The following PHF2 variants were observed in gnomAD, a reference collection of about 807,000 sequenced individuals.
The protein encoded by PHF2 is lysine-specific demethylase PHF2.
In PHF2, 27 loss-of-function variants were observed where a neutral mutation model predicts 120.5. The ratio of observed to expected loss-of-function variants is 0.22; its 90% CI spans 0.17 to 0.31. The LOEUF (loss-of-function observed/expected upper bound fraction) is 0.31. Ranked by LOEUF, PHF2 falls within the 10% of genes least tolerant of loss-of-function variation. The probability of loss-of-function intolerance (pLI) is 1.00; values close to 1 mark genes in which losing one functional copy is unlikely to be tolerated. For synonymous variants in PHF2, 568 were observed against 592.5 expected (o/e 0.96, Z 0.60); for missense variants, 1,024 against 1,434.8 (o/e 0.71, Z 4.63).
At chr9:93,603,269 C>T (rs1487919936) in intron 1 of PHF2, among the ~76,000 whole-genome samples, 3 of 152,166 alleles carry the variant, frequency 2.0e-5, no homozygotes, top group Admixed American at 6.5e-5. Context: ...CAGAGGCACT[C>T]GGATGGCCCA....
intron 7 of PHF2, 119 bp from the exon 8 acceptor site, chr9:93,655,815 G>A (rs1826448812): frequency 2.9e-5 from 20 of 689,662 alleles, no homozygotes; most frequent in Non-Finnish European, 5.0e-5. Flanking sequence ...GCAGGAGCTG[G>A]AGCCTGGGCT....
intron 14 of PHF2, among the ~76,000 whole-genome samples, chr9:93,664,901 C>T (rs373337342): frequency 6.6e-6 from 1 of 152,252 alleles, no homozygotes; most frequent in African/African-American, 2.4e-5. Flanking sequence ...CATTGGAAGC[C>T]GCCTCACCTA....
intron 1 of PHF2, among the ~76,000 whole-genome samples, chr9:93,592,299 C>T (rs12348843): frequency 0.022 from 3,325 of 152,174 alleles, 119 homozygotes; most frequent in African/African-American, 0.075. Context: ...GTGGGAGCAG[C>T]GGGGTGATCC....
chr9:93,582,115 A>C (rs570298826), intron 1 of PHF2, among the ~76,000 whole-genome samples: 25 of 152,176 alleles, frequency 1.6e-4, no homozygotes, highest in African/African-American at 5.8e-4. Context: ...TCACCCTGTC[A>C]CCTTCATTCC....
At chr9:93,591,372 C>T (rs1401979850) in intron 1 of PHF2, among the ~76,000 whole-genome samples, 2 of 152,190 alleles carry the variant, frequency 1.3e-5, no homozygotes, top group African/African-American at 4.8e-5. Flanking sequence ...TCTAGTAGAA[C>T]AGTTTGGGAT....
At chr9:93,652,107 T>C (rs755255135) in intron 5 of PHF2, among the ~76,000 whole-genome samples, 12 of 152,090 alleles carry the variant, frequency 7.9e-5, no homozygotes, top group Non-Finnish European at 1.8e-4. Context: ...GCTTGTGATT[T>C]GTGACAGTCT....
chr9:93,605,362 C>T (rs559086465), intron 1 of PHF2, among the ~76,000 whole-genome samples: 17 of 152,300 alleles, frequency 1.1e-4, no homozygotes, highest in African/African-American at 2.9e-4. Flanking sequence ...GGATTACAGG[C>T]GTGAGCCACT....
intron 1 of PHF2, among the ~76,000 whole-genome samples, chr9:93,586,832 C>T (rs1236095616): frequency 6.6e-6 from 1 of 152,218 alleles, no homozygotes; most frequent in Admixed American, 6.5e-5. Context: ...GCCCCTGAAG[C>T]TAGTGCTGGG....
chr9:93,661,387 C>A (rs1826561767), intron 12 of PHF2, among the ~76,000 whole-genome samples: 1 of 151,986 alleles, frequency 6.6e-6, no homozygotes, highest in Admixed American at 6.6e-5. Flanking sequence ...GAATGGATGG[C>A]TAAATGGCTG....
Position 93,675,720 on chromosome 9 carries a change from G to A in PHF2, c.2763G>A (p.Val921=). 1 of 1,613,348 alleles carries A rather than the reference G, an allele frequency of 6.2e-7. No individual in the cohort carries two copies. Among genetic ancestry groups the A allele is most frequent in the Non-Finnish European group, 8.5e-7 (1 of 1,179,920 alleles). Residue 921 remains valine, a synonymous_variant, in exon 20 of 22, where the codon GTG becomes GTA. Transcript: ENST00000359246. The stretch of plus-strand genomic sequence containing the variant: ...CGGTGCCAAGACAGGACAGGCCTGT[G>A]CGTGAGGGTACACGGGTGGCTTCCA... ...GPSVPRQDRP[V]REGTRVASIE...
intron 1 of PHF2, among the ~76,000 whole-genome samples, chr9:93,610,039 T>G (rs576854732): frequency 6.7e-6 from 1 of 150,226 alleles, no homozygotes; most frequent in Non-Finnish European, 1.5e-5. Context: ...TGATTTTTTT[T>G]TGCGGTTTGA....
intron 2 of PHF2, among the ~76,000 whole-genome samples, chr9:93,634,825 CA>C (rs1467031269): frequency 6.6e-6 from 1 of 152,334 alleles, no homozygotes; most frequent in East Asian, 1.9e-4. Flanking sequence ...AGCACCAAGC[CA>C]GCCTGTGAGT....
chr9:93,619,480 C>T (rs1415967047), intron 1 of PHF2, among the ~76,000 whole-genome samples: 1 of 152,222 alleles, frequency 6.6e-6, no homozygotes, highest in African/African-American at 2.4e-5. Context: ...GCCAAGAAGG[C>T]GACTCGTGGG....
At chr9:93,593,707 G>T (rs561798654) in intron 1 of PHF2, among the ~76,000 whole-genome samples, 1 of 152,190 alleles carries the variant, frequency 6.6e-6, no homozygotes, top group Non-Finnish European at 1.5e-5. Context: ...CTTGTAAATC[G>T]GAAATTATGC....
chr9:93,651,348 T>C (rs140102194), intron 5 of PHF2, among the ~76,000 whole-genome samples: 76 of 152,330 alleles, frequency 5.0e-4, no homozygotes, highest in Non-Finnish European at 9.7e-4. Flanking sequence ...TGGTTTTCTG[T>C]TGGGCCTTTC....
chr9:93,637,364 G>T (rs1192405498), intron 3 of PHF2, among the ~76,000 whole-genome samples: 2 of 152,070 alleles, frequency 1.3e-5, no homozygotes, highest in Non-Finnish European at 2.9e-5. Flanking sequence ...CAGTTCGGTG[G>T]ATTTTACTGT....
intron 1 of PHF2, among the ~76,000 whole-genome samples, chr9:93,587,487 T>TGATGGAGGAGTCCCAGATGGTG (rs1863072491): frequency 7.0e-4 from 68 of 97,190 alleles, no homozygotes; most frequent in East Asian, 1.6e-3. Context: ...GGGTGAGGGA[T>TGATGGAGGAGTCCCAGATGGTG]GATGGAGGAG....
chr9:93,634,578 C>G (rs1237691991), intron 2 of PHF2, among the ~76,000 whole-genome samples: 2 of 152,232 alleles, frequency 1.3e-5, no homozygotes. Context: ...CCTGGCATTG[C>G]CTGGCTCAGG....
At chr9:93,629,663 G>A (rs553952891) in intron 1 of PHF2, among the ~76,000 whole-genome samples, 11 of 152,318 alleles carry the variant, frequency 7.2e-5, no homozygotes, top group African/African-American at 2.6e-4. Flanking sequence ...TGCCCCCTGG[G>A]TGACGGGGCA....
Sources: allele counts gnomAD v4.1 joint callset (sites outside exome capture counted in the v4.1 genomes callset), GRCh38; gene constraint gnomAD v4.1.1; transcripts MANE v1.5; gene names NCBI Gene and HGNC (gene_info 2026-07-23, HGNC 2026-07-21).